FUT9: variants seen among roughly 807,000 people sequenced by gnomAD.
The protein encoded by FUT9 is fucosyltransferase 9.
FUT9 carries 15 observed loss-of-function variants against 29.7 expected under a neutral mutation model. That is an observed-to-expected ratio of 0.51 (90% confidence interval 0.34 to 0.78). The LOEUF (loss-of-function observed/expected upper bound fraction) is 0.78, where lower values mean the gene tolerates loss of function less well. Among genes scored for constraint, FUT9 ranks in the 30% least tolerant of loss-of-function variants. FUT9 has a pLI of 0.01. For missense variants in FUT9, 319 were observed against 425.4 expected (o/e 0.75, Z 2.20); for synonymous variants, 169 against 153.7 (o/e 1.10, Z -0.74).
chr6:96,201,450 T>C (rs1383367728), intron 2 of FUT9, among the ~76,000 whole-genome samples: 1 of 152,046 alleles, frequency 6.6e-6, no homozygotes, highest in Admixed American at 6.6e-5. Context: ...ATTTCAAATT[T>C]CTGGCCCTTA....
intron 1 of FUT9, among the ~76,000 whole-genome samples, chr6:96,086,542 CT>C (rs1261460095): frequency 2.0e-5 from 3 of 152,114 alleles, no homozygotes; most frequent in African/African-American, 4.8e-5. Flanking sequence ...CAAAGATATT[CT>C]CCTGTATTTT....
chr6:96,035,505 T>C (rs756012369), intron 1 of FUT9, among the ~76,000 whole-genome samples: 19 of 150,476 alleles, frequency 1.3e-4, no homozygotes, highest in Non-Finnish European at 2.4e-4. Flanking sequence ...ATACAACACA[T>C]TTAATTTCTT....
At chr6:96,167,192 C>G (rs1006222150) in intron 2 of FUT9, among the ~76,000 whole-genome samples, 2 of 152,152 alleles carry the variant, frequency 1.3e-5, no homozygotes, top group African/African-American at 4.8e-5. Flanking sequence ...ATTTCTGGGA[C>G]TGGAAGTTAT....
intron 2 of FUT9, among the ~76,000 whole-genome samples, chr6:96,127,407 A>C (rs557314028): frequency 6.6e-6 from 1 of 152,244 alleles, no homozygotes; most frequent in East Asian, 1.9e-4. Flanking sequence ...TCCATGTTGC[A>C]TATGTACCAC....
intron 1 of FUT9, among the ~76,000 whole-genome samples, chr6:96,021,832 G>GA (rs1373517945): frequency 2.0e-5 from 3 of 151,294 alleles, no homozygotes; most frequent in East Asian, 1.9e-4. Flanking sequence ...ATATGTTATT[G>GA]AAAAAAATAA....
chr6:96,147,227 T>C (rs1358857642), intron 2 of FUT9, among the ~76,000 whole-genome samples: 1 of 149,096 alleles, frequency 6.7e-6, no homozygotes, highest in Non-Finnish European at 1.5e-5. Context: ...AGTGGCCTGA[T>C]TTCGGCTCAC....
chr6:96,047,459 T>C (rs531534487), intron 1 of FUT9, among the ~76,000 whole-genome samples: 8 of 152,316 alleles, frequency 5.3e-5, no homozygotes, highest in African/African-American at 1.9e-4. Context: ...CTTCTTGAGA[T>C]TGCTAACAAA....
intron 1 of FUT9, among the ~76,000 whole-genome samples, chr6:96,074,715 C>A (rs2127948633): frequency 6.6e-6 from 1 of 152,166 alleles, no homozygotes; most frequent in East Asian, 1.9e-4. Context: ...CTGTTACAAT[C>A]AAATATTGTC....
intron 1 of FUT9, among the ~76,000 whole-genome samples, chr6:96,083,640 A>C (rs747503530): frequency 1.2e-4 from 18 of 151,844 alleles, no homozygotes; most frequent in Non-Finnish European, 2.4e-4. Flanking sequence ...TTTCCATTCC[A>C]TTGTCAAGTA....
intron 2 of FUT9, among the ~76,000 whole-genome samples, chr6:96,202,589 T>C (rs573904941): frequency 3.0e-4 from 45 of 152,112 alleles, no homozygotes; most frequent in Non-Finnish European, 5.9e-4. Context: ...AGAGTTGCCA[T>C]TTTTTTACCA....
At chr6:96,031,918 C>G (rs1412402179) in intron 1 of FUT9, among the ~76,000 whole-genome samples, 1 of 151,524 alleles carries the variant, frequency 6.6e-6, no homozygotes, top group Non-Finnish European at 1.5e-5. Flanking sequence ...TTCAAACTAA[C>G]TAAATAAAAA....
intron 1 of FUT9, among the ~76,000 whole-genome samples, chr6:96,098,161 T>C (rs1771531953): frequency 6.6e-6 from 1 of 152,092 alleles, no homozygotes; most frequent in Non-Finnish European, 1.5e-5. Flanking sequence ...TGAATAGTTA[T>C]TTTAGTTGCT....
rs909550557 is a variant in FUT9, at chr6:96,208,319, CCTTAT to C, written c.*4085_*4089del. 7.2e-5 allele frequency: 12 copies of C among 166,524 alleles called. No homozygotes were observed. Among genetic ancestry groups the C allele is most frequent in the African/African-American group, 2.9e-4 (12 of 41,412 alleles). 10.3% of individuals were successfully genotyped at this position (166,524 alleles called of 1,614,324 possible). On this transcript the variant is annotated 3_prime_UTR_variant, in exon 3 of 3. Coordinates refer to ENST00000302103, the MANE Select transcript of FUT9 (RefSeq NM_006581.4). The stretch of plus-strand genomic sequence containing the variant: ...AGTTACCACAAATTTCAGGTCCTTA[CCTTAT>C]GACTGTGTTTGATCATATCTTTGAG...
At chr6:96,174,781 A>G (rs950788725) in intron 2 of FUT9, among the ~76,000 whole-genome samples, 9 of 152,176 alleles carry the variant, frequency 5.9e-5, no homozygotes, top group African/African-American at 2.2e-4. Context: ...ATAAGAATGC[A>G]CAGTTAGGAA....
intron 1 of FUT9, among the ~76,000 whole-genome samples, chr6:96,101,610 G>A (rs1405206754): frequency 1.3e-5 from 2 of 151,866 alleles, no homozygotes; most frequent in Admixed American, 6.6e-5. Flanking sequence ...CATTAAGGAG[G>A]TCACAAGTTT....
intron 2 of FUT9, among the ~76,000 whole-genome samples, chr6:96,198,022 G>A (rs1448592155): frequency 1.3e-5 from 2 of 152,044 alleles, no homozygotes; most frequent in African/African-American, 4.8e-5. Flanking sequence ...ACCTTGATAT[G>A]TATCTGTGGT....
intron 1 of FUT9, among the ~76,000 whole-genome samples, chr6:96,021,515 G>A (rs917283521): frequency 6.6e-6 from 1 of 151,890 alleles, no homozygotes; most frequent in African/African-American, 2.4e-5. Flanking sequence ...CAGGGAAGGA[G>A]GTTATGAACA....
chr6:96,180,920 T>C (rs964934870), intron 2 of FUT9, among the ~76,000 whole-genome samples: 1 of 113,026 alleles, frequency 8.8e-6, no homozygotes, highest in African/African-American at 2.9e-5. Flanking sequence ...GCTCCCAACT[T>C]ACTGTTAAGT....
chr6:96,073,312 G>C (rs1007561188), intron 1 of FUT9, among the ~76,000 whole-genome samples: 2 of 152,026 alleles, frequency 1.3e-5, no homozygotes, highest in Non-Finnish European at 1.5e-5. Flanking sequence ...AGCCAGGCGT[G>C]GTGACACACC....
Sources: allele counts gnomAD v4.1 joint callset (sites outside exome capture counted in the v4.1 genomes callset), GRCh38; gene constraint gnomAD v4.1.1; transcripts MANE v1.5; gene names NCBI Gene and HGNC (gene_info 2026-07-23, HGNC 2026-07-21).